The following CLSTN2 variants were observed in gnomAD, a reference collection of about 807,000 sequenced individuals.
The protein encoded by CLSTN2 is calsyntenin-2.
In CLSTN2, 48 loss-of-function variants were observed where a neutral mutation model predicts 101.2. That is an observed-to-expected ratio of 0.47 (90% confidence interval 0.38 to 0.60). The LOEUF (loss-of-function observed/expected upper bound fraction) is 0.60, where lower values mean the gene tolerates loss of function less well. Ranked by LOEUF, CLSTN2 falls within the 20% of genes least tolerant of loss-of-function variation. CLSTN2 has a pLI of 0.00. For missense variants in CLSTN2, 1,160 were observed against 1,238.2 expected, an observed-to-expected ratio of 0.94 and a Z score of 0.95; for synonymous variants, 481 against 463.6, an observed-to-expected ratio of 1.04 and a Z score of -0.48.
At chr3:140,070,490 A>G (rs1260919294) in intron 1 of CLSTN2, among the ~76,000 whole-genome samples, 2 of 152,218 alleles carry the variant, frequency 1.3e-5, no homozygotes, top group African/African-American at 4.8e-5. Context: ...AAACAGACAA[A>G]ATACACTAAG....
At chr3:139,949,704 G>T (rs1412273455) in intron 1 of CLSTN2, among the ~76,000 whole-genome samples, 1 of 152,172 alleles carries the variant, frequency 6.6e-6, no homozygotes, top group Non-Finnish European at 1.5e-5. Flanking sequence ...TTGCTCCATA[G>T]CATTGGATAC....
At chr3:140,469,889 T>C (rs1409120823) in intron 8 of CLSTN2, among the ~76,000 whole-genome samples, 1 of 152,226 alleles carries the variant, frequency 6.6e-6, no homozygotes, top group East Asian at 1.9e-4. Flanking sequence ...AATTGATCTT[T>C]AGACTCATTT....
intron 2 of CLSTN2, among the ~76,000 whole-genome samples, chr3:140,212,226 AT>A (rs1299342302): frequency 6.6e-6 from 1 of 152,174 alleles, no homozygotes; most frequent in Non-Finnish European, 1.5e-5. Flanking sequence ...TATGTTTATA[AT>A]TTTTAACAAA....
intron 8 of CLSTN2, among the ~76,000 whole-genome samples, chr3:140,528,437 C>T (rs575894308): frequency 6.6e-6 from 1 of 152,318 alleles, no homozygotes; most frequent in African/African-American, 2.4e-5. Context: ...TAACATGGCA[C>T]CTTGCACAAA....
chr3:140,060,716 C>G (rs2008189917), intron 1 of CLSTN2, among the ~76,000 whole-genome samples: 1 of 152,218 alleles, frequency 6.6e-6, no homozygotes, highest in African/African-American at 2.4e-5. Context: ...TCCAGAGTAA[C>G]AAGGCCTGCG....
At chr3:139,955,169 T>G (rs1003482040) in intron 1 of CLSTN2, among the ~76,000 whole-genome samples, 9 of 133,572 alleles carry the variant, frequency 6.7e-5, no homozygotes, top group Non-Finnish European at 1.4e-4. Context: ...ATATAACATC[T>G]GATTTATTTG....
intron 9 of CLSTN2, among the ~76,000 whole-genome samples, chr3:140,535,850 C>T (rs935811849): frequency 6.6e-6 from 1 of 152,182 alleles, no homozygotes; most frequent in East Asian, 1.9e-4. Flanking sequence ...GTCTCACTGC[C>T]CTCTATTGCT....
intron 1 of CLSTN2, among the ~76,000 whole-genome samples, chr3:140,159,580 A>G (rs948431167): frequency 1.3e-5 from 2 of 152,120 alleles, no homozygotes; most frequent in Non-Finnish European, 2.9e-5. Context: ...TGTAAATTAA[A>G]TCAGCCACTG....
chr3:140,357,342 G>A (rs546973236), intron 2 of CLSTN2, among the ~76,000 whole-genome samples: 1 of 152,180 alleles, frequency 6.6e-6, no homozygotes, highest in South Asian at 2.1e-4. Context: ...CCAGGAAGGA[G>A]CCAGAAAGAT....
At chr3:140,188,641 G>C (rs9810392) in intron 2 of CLSTN2, among the ~76,000 whole-genome samples, 1 of 152,006 alleles carries the variant, frequency 6.6e-6, no homozygotes, top group Non-Finnish European at 1.5e-5. Flanking sequence ...AGGAGACAGA[G>C]CAAGGAAAGA....
chr3:140,065,866 A>G (rs1018795668), intron 1 of CLSTN2, among the ~76,000 whole-genome samples: 1 of 152,210 alleles, frequency 6.6e-6, no homozygotes, highest in Non-Finnish European at 1.5e-5. Flanking sequence ...GGCTACTTTT[A>G]TAATCCCATG....
chr3:139,977,030 A>T (rs1472902226), intron 1 of CLSTN2, among the ~76,000 whole-genome samples: 1 of 152,032 alleles, frequency 6.6e-6, no homozygotes, highest in African/African-American at 2.4e-5. Context: ...ACAAGCAGAC[A>T]CTCCATTTGC....
chr3:140,090,125 G>T (rs2008752266), intron 1 of CLSTN2, among the ~76,000 whole-genome samples: 1 of 150,392 alleles, frequency 6.6e-6, no homozygotes, highest in Non-Finnish European at 1.5e-5. Flanking sequence ...GTTATCTTGG[G>T]GCTGATATCT....
At chr3:140,299,546 C>T (rs2087037445) in intron 2 of CLSTN2, among the ~76,000 whole-genome samples, 1 of 152,180 alleles carries the variant, frequency 6.6e-6, no homozygotes, top group African/African-American at 2.4e-5. Context: ...GCAGAGCCTT[C>T]AGCCAGGTGT....
chr3:140,194,892 C>T (rs1365394122), intron 2 of CLSTN2, among the ~76,000 whole-genome samples: 2 of 152,234 alleles, frequency 1.3e-5, no homozygotes, highest in Admixed American at 1.3e-4. Context: ...TCTGATACAA[C>T]CCCAGTGGGG....
At chr3:140,550,623 G>A (rs536183045) in intron 10 of CLSTN2, among the ~76,000 whole-genome samples, 94 of 152,038 alleles carry the variant, frequency 6.2e-4, no homozygotes, top group African/African-American at 8.0e-4. Flanking sequence ...ACAGTTTCAG[G>A]GTACTAGGCC....
intron 8 of CLSTN2, among the ~76,000 whole-genome samples, chr3:140,516,933 CTT>C (rs1559891873): frequency 6.6e-6 from 1 of 152,164 alleles, no homozygotes; most frequent in Non-Finnish European, 1.5e-5. Flanking sequence ...GTTTTCCAAA[CTT>C]TTAGATTTCT....
intron 2 of CLSTN2, among the ~76,000 whole-genome samples, chr3:140,354,774 G>C (rs2087650706): frequency 6.6e-6 from 1 of 152,228 alleles, no homozygotes; most frequent in African/African-American, 2.4e-5. Context: ...GTATAAGACA[G>C]ACTCCAAAAC....
At chr3:140,022,622 A>G (rs906872288) in intron 1 of CLSTN2, among the ~76,000 whole-genome samples, 4 of 152,178 alleles carry the variant, frequency 2.6e-5, no homozygotes, top group Non-Finnish European at 5.9e-5. Context: ...TGCTGGAGGC[A>G]ATGGGGAGGG....
Sources: gnomAD v4.1 joint callset for allele counts (sites outside exome capture counted in the v4.1 genomes callset) on GRCh38, gnomAD v4.1.1 for gene constraint, MANE v1.5 for transcripts, NCBI Gene and HGNC (gene_info 2026-07-23, HGNC 2026-07-21) for gene names.